The following L3MBTL4 variants were observed in gnomAD, a reference collection of about 807,000 sequenced individuals.
L3MBTL4 encodes lethal(3)malignant brain tumor-like protein 4.
L3MBTL4 carries 70 observed loss-of-function variants against 84.5 expected under a neutral mutation model. The ratio of observed to expected loss-of-function variants is 0.83; its 90% CI spans 0.68 to 1.01. The LOEUF is 1.01. L3MBTL4 is among the 50% of genes least tolerant of loss of function. The pLI is 0.00. For synonymous variants in L3MBTL4, 274 were observed against 259.8 expected (o/e 1.05, Z -0.52); for missense variants, 715 against 754.8 (o/e 0.95, Z 0.62).
chr18:6,146,732 T>G (rs1374490392), intron 13 of L3MBTL4, among the ~76,000 whole-genome samples: 2 of 152,214 alleles, frequency 1.3e-5, no homozygotes, highest in Non-Finnish European at 2.9e-5. Context: ...TTATTGTTTT[T>G]GTTTGAGTGA....
chr18:6,116,360 T>G (rs1163835884), intron 14 of L3MBTL4, among the ~76,000 whole-genome samples: 5 of 58,484 alleles, frequency 8.5e-5, no homozygotes, highest in African/African-American at 2.2e-4. Flanking sequence ...TTGTTGCTGG[T>G]TTTTTTTTTT....
rs1380293037 is a variant in L3MBTL4, at chr18:5,955,889, G to A, written c.*331C>T. The stretch of plus-strand genomic sequence containing the variant: ...TTGAGAGTGTTATGCTTGTAAGATG[G>A]AAAATGGTTTCTTTTCTGGTGACGG... On this transcript the variant is annotated 3_prime_UTR_variant, in exon 19 of 19. Coordinates refer to ENST00000317931, the MANE Select transcript of L3MBTL4 (RefSeq NM_001330559.2). 4.8e-6 allele frequency: 1 copy of A among 206,248 alleles called. No individual in the cohort carries two copies. The highest frequency in any genetic ancestry group is 2.3e-5 in the African/African-American group (1 of 43,432). The allele number at this position is 206,248 out of a possible 1,614,324, so 12.8% of individuals were successfully genotyped here.
intron 12 of L3MBTL4, among the ~76,000 whole-genome samples, chr18:6,206,550 A>G (rs1345754959): frequency 1.3e-5 from 2 of 152,098 alleles, no homozygotes; most frequent in Non-Finnish European, 2.9e-5. Context: ...CACCAAGGCC[A>G]CATGTTTCCG....
At chr18:6,382,658 A>G (rs2054640759) in intron 1 of L3MBTL4, among the ~76,000 whole-genome samples, 1 of 152,168 alleles carries the variant, frequency 6.6e-6, no homozygotes, top group Non-Finnish European at 1.5e-5. Flanking sequence ...AGAACAGCAA[A>G]GATTGCTGCC....
intron 4 of L3MBTL4, among the ~76,000 whole-genome samples, chr18:6,282,929 A>T (rs1303618498): frequency 1.3e-5 from 2 of 152,272 alleles, no homozygotes; most frequent in African/African-American, 4.8e-5. Flanking sequence ...GAAGTAAAAA[A>T]AGAAAAAGGT....
intron 13 of L3MBTL4, among the ~76,000 whole-genome samples, chr18:6,164,993 G>A (rs1253923237): frequency 6.6e-6 from 1 of 152,224 alleles, no homozygotes; most frequent in Non-Finnish European, 1.5e-5. Flanking sequence ...TAAAGGACCT[G>A]ATGGAGCTGA....
chr18:5,965,533 G>A (rs2052308986), intron 17 of L3MBTL4, among the ~76,000 whole-genome samples: 1 of 152,106 alleles, frequency 6.6e-6, no homozygotes, highest in Admixed American at 6.5e-5. Context: ...GTCCAGCTCA[G>A]CCCTGAACTG....
At chr18:6,172,271 C>A (rs957275887) in intron 12 of L3MBTL4, among the ~76,000 whole-genome samples, 1 of 152,092 alleles carries the variant, frequency 6.6e-6, no homozygotes, top group Non-Finnish European at 1.5e-5. Flanking sequence ...TTGTCCTGAG[C>A]GACTGTCCTA....
intron 5 of L3MBTL4, among the ~76,000 whole-genome samples, chr18:6,263,012 G>A (rs1277549404): frequency 1.3e-5 from 2 of 152,144 alleles, no homozygotes; most frequent in Non-Finnish European, 1.5e-5. Context: ...GGCGGCTTAC[G>A]CCTGTAATCC....
chr18:6,313,726 C>A (rs994643913), intron 1 of L3MBTL4, among the ~76,000 whole-genome samples: 10 of 152,144 alleles, frequency 6.6e-5, no homozygotes, highest in African/African-American at 2.4e-4. Flanking sequence ...TTTCTCCTCA[C>A]CATCAAAAAT....
At chr18:6,167,017 T>C (rs1248565508) in intron 13 of L3MBTL4, among the ~76,000 whole-genome samples, 2 of 152,082 alleles carry the variant, frequency 1.3e-5, no homozygotes, top group African/African-American at 4.8e-5. Context: ...CCCACAGAAA[T>C]ACAAACTACC....
At chr18:6,074,945 T>C (rs1178274891) in intron 16 of L3MBTL4, among the ~76,000 whole-genome samples, 1 of 151,958 alleles carries the variant, frequency 6.6e-6, no homozygotes, top group Non-Finnish European at 1.5e-5. Flanking sequence ...TTTGATAAAA[T>C]TCAGGAACAT....
At chr18:6,221,131 G>A (rs1292246025) in intron 10 of L3MBTL4, among the ~76,000 whole-genome samples, 3 of 152,018 alleles carry the variant, frequency 2.0e-5, no homozygotes, top group Non-Finnish European at 1.5e-5. Context: ...AACAGCCTAA[G>A]CAGCAACCTA....
intron 1 of L3MBTL4, among the ~76,000 whole-genome samples, chr18:6,412,116 T>C (rs1363298648): frequency 6.6e-6 from 1 of 152,162 alleles, no homozygotes; most frequent in African/African-American, 2.4e-5. Flanking sequence ...TATCCATTAG[T>C]TATTCTTCCT....
chr18:6,020,257 C>A (rs899683607), intron 16 of L3MBTL4, among the ~76,000 whole-genome samples: 1 of 151,840 alleles, frequency 6.6e-6, no homozygotes, highest in African/African-American at 2.4e-5. Flanking sequence ...GACGTCCAGG[C>A]TGAGGTGAGA....
At chr18:6,150,460 C>T (rs1395702252) in intron 13 of L3MBTL4, among the ~76,000 whole-genome samples, 1 of 152,094 alleles carries the variant, frequency 6.6e-6, no homozygotes, top group African/African-American at 2.4e-5. Flanking sequence ...CATACACACA[C>T]ACAATTACAC....
chr18:6,169,507 C>T (rs996617370), intron 13 of L3MBTL4, among the ~76,000 whole-genome samples: 2 of 152,024 alleles, frequency 1.3e-5, no homozygotes, highest in African/African-American at 2.4e-5. Context: ...CCATATAAAA[C>T]GATGAGTTCA....
At chr18:6,388,205 T>C (rs2054903932) in intron 1 of L3MBTL4, among the ~76,000 whole-genome samples, 1 of 152,134 alleles carries the variant, frequency 6.6e-6, no homozygotes, top group Non-Finnish European at 1.5e-5. Flanking sequence ...AACAATCCAC[T>C]CCTGGGAATC....
intron 1 of L3MBTL4, among the ~76,000 whole-genome samples, chr18:6,410,561 G>C (rs2055924095): frequency 6.6e-6 from 1 of 152,078 alleles, no homozygotes; most frequent in Non-Finnish European, 1.5e-5. Flanking sequence ...CTCCTGTCAT[G>C]ATCATCTTAA....
Sources: allele counts gnomAD v4.1 joint callset (sites outside exome capture counted in the v4.1 genomes callset), GRCh38; gene constraint gnomAD v4.1.1; transcripts MANE v1.5; gene names NCBI Gene and HGNC (gene_info 2026-07-23, HGNC 2026-07-21).